EDIL3: variants seen among roughly 807,000 people sequenced by gnomAD.
EDIL3 encodes EGF-like repeat and discoidin I-like domain-containing protein 3.
EDIL3 carries 37 observed loss-of-function variants against 67.4 expected under a neutral mutation model. The observed-to-expected ratio is 0.55, with a 90% CI of 0.42 to 0.72. The LOEUF is 0.72. Ranked by LOEUF, EDIL3 falls within the 30% of genes least tolerant of loss-of-function variation. The pLI is 0.00. For missense variants in EDIL3, 527 were observed against 586.3 expected, an observed-to-expected ratio of 0.90 and a Z score of 1.04; for synonymous variants, 195 against 196.3, an observed-to-expected ratio of 0.99 and a Z score of 0.05.
At chr5:84,176,181 AATATATATATATATATAATATATAT>A (rs1236269969) in intron 4 of EDIL3, among the ~76,000 whole-genome samples, 5 of 86,466 alleles carry the variant, frequency 5.8e-5, no homozygotes, top group Admixed American at 1.7e-4. Flanking sequence ...AGTGGTAAAA[AATATATATATATATATAATATATAT>A]ATATATATAT....
intron 1 of EDIL3, among the ~76,000 whole-genome samples, chr5:84,305,246 T>C (rs1023494761): frequency 2.0e-5 from 3 of 152,210 alleles, no homozygotes; most frequent in Non-Finnish European, 2.9e-5. Context: ...TTTAATTCCA[T>C]TGATTTCTCC....
chr5:84,034,117 C>A (rs1745975289), intron 9 of EDIL3, among the ~76,000 whole-genome samples: 1 of 152,118 alleles, frequency 6.6e-6, no homozygotes, highest in South Asian at 2.1e-4. Context: ...CAAATTTACT[C>A]ATTTTAAAAG....
At chr5:84,103,501 A>G (rs1388998485) in intron 6 of EDIL3, among the ~76,000 whole-genome samples, 1 of 152,040 alleles carries the variant, frequency 6.6e-6, no homozygotes, top group Non-Finnish European at 1.5e-5. Context: ...AGCATCTATA[A>G]GAAACTTAAA....
chr5:84,033,860 G>A (rs1253085231), intron 9 of EDIL3, among the ~76,000 whole-genome samples: 2 of 152,040 alleles, frequency 1.3e-5, no homozygotes, highest in Non-Finnish European at 2.9e-5. Flanking sequence ...TTAGTGATCT[G>A]GACTCTGAGT....
chr5:84,056,981 A>C (rs2112231858), intron 9 of EDIL3, among the ~76,000 whole-genome samples: 1 of 152,272 alleles, frequency 6.6e-6, no homozygotes, highest in South Asian at 2.1e-4. Flanking sequence ...ACAGTTGAAC[A>C]GATTATATTC....
chr5:84,232,154 A>C (rs1048089864), intron 2 of EDIL3, among the ~76,000 whole-genome samples: 3 of 152,226 alleles, frequency 2.0e-5, no homozygotes, highest in Non-Finnish European at 4.4e-5. Context: ...GAGTTTACCG[A>C]AATTCACTAG....
intron 1 of EDIL3, among the ~76,000 whole-genome samples, chr5:84,325,934 A>T (rs1387296538): frequency 2.0e-5 from 3 of 152,114 alleles, no homozygotes; most frequent in African/African-American, 7.2e-5. Flanking sequence ...TATGGTTTGA[A>T]TGTGTCCCAC....
rs143730294 is a variant in EDIL3, at chr5:84,371,121, TTATAA to T, written c.67+13182_67+13186del. 3.9e-3 allele frequency among the ~76,000 whole-genome samples: 588 copies of T among 151,486 alleles called. 1 individual carries two copies. The highest frequency in any genetic ancestry group is 0.013 in the African/African-American group (549 of 41,382). On this transcript the variant is annotated intron_variant, in intron 1 of 10. Coordinates refer to ENST00000296591, the MANE Select transcript of EDIL3 (RefSeq NM_005711.5). ...ATATAACTATGATTTTTGAAAAGTG[TTATAA>T]TATATTTAATAATGGTACAGTGACA...
At chr5:84,056,553 T>C (rs576099597) in intron 9 of EDIL3, among the ~76,000 whole-genome samples, 3 of 152,132 alleles carry the variant, frequency 2.0e-5, no homozygotes, top group South Asian at 2.1e-4. Context: ...TTAAACTATA[T>C]GACAATTAGG....
chr5:84,182,797 A>G (rs977974479), intron 3 of EDIL3, among the ~76,000 whole-genome samples: 1 of 135,206 alleles, frequency 7.4e-6, no homozygotes, highest in Non-Finnish European at 1.6e-5. Context: ...AAAAGGATTC[A>G]GGGGCTCTGT....
chr5:84,344,166 C>A (rs1452297185), intron 1 of EDIL3, among the ~76,000 whole-genome samples: 1 of 152,008 alleles, frequency 6.6e-6, no homozygotes, highest in Non-Finnish European at 1.5e-5. Context: ...TGCAAAAATC[C>A]AAAATGCCCA....
At chr5:84,289,194 A>C (rs550156214) in intron 1 of EDIL3, among the ~76,000 whole-genome samples, 2 of 152,336 alleles carry the variant, frequency 1.3e-5, no homozygotes, top group South Asian at 4.1e-4. Flanking sequence ...CTACAATGTG[A>C]GTTTGGCTTT....
intron 5 of EDIL3, among the ~76,000 whole-genome samples, chr5:84,122,468 C>T (rs1045324966): frequency 4.6e-5 from 7 of 151,838 alleles, no homozygotes; most frequent in Admixed American, 1.3e-4. Flanking sequence ...CCCATTAACT[C>T]GTCGTTTACA....
chr5:83,945,054 C>G (rs1561381405), intron 10 of EDIL3, among the ~76,000 whole-genome samples: 1 of 152,076 alleles, frequency 6.6e-6, no homozygotes, highest in East Asian at 1.9e-4. Flanking sequence ...TCCTCAAAAG[C>G]ATTAGGCAGT....
intron 7 of EDIL3, 115 bp downstream of exon 7, chr5:84,066,336 C>T (rs1354106625): frequency 1.7e-6 from 2 of 1,159,582 alleles, no homozygotes; most frequent in Non-Finnish European, 2.3e-6. Context: ...AAACAAGACG[C>T]ATTGGTAATT....
At chr5:84,307,228 G>T (rs755461842) in intron 1 of EDIL3, among the ~76,000 whole-genome samples, 1 of 152,132 alleles carries the variant, frequency 6.6e-6, no homozygotes, top group Non-Finnish European at 1.5e-5. Context: ...AATCCAATCC[G>T]CATCTTAAGT....
At chr5:84,083,656 G>C (rs1441532461) in intron 6 of EDIL3, among the ~76,000 whole-genome samples, 1 of 151,688 alleles carries the variant, frequency 6.6e-6, no homozygotes, top group Non-Finnish European at 1.5e-5. Context: ...GTAGTAAAAT[G>C]CTATCCAACT....
chr5:84,132,256 A>G (rs1456681838), intron 5 of EDIL3, among the ~76,000 whole-genome samples: 3 of 121,614 alleles, frequency 2.5e-5, no homozygotes, highest in Non-Finnish European at 4.8e-5. Context: ...AAGAAAAAAT[A>G]TATATATAAT....
intron 6 of EDIL3, among the ~76,000 whole-genome samples, chr5:84,089,453 C>T (rs1747126620): frequency 6.6e-6 from 1 of 152,148 alleles, no homozygotes; most frequent in Admixed American, 6.5e-5. Context: ...TTAGGCCCTC[C>T]TTATATCTGC....
Sources: allele counts gnomAD v4.1 joint callset (sites outside exome capture counted in the v4.1 genomes callset), GRCh38; gene constraint gnomAD v4.1.1; transcripts MANE v1.5; gene names NCBI Gene and HGNC (gene_info 2026-07-23, HGNC 2026-07-21).